The following PDLIM5 variants were observed in gnomAD, a reference collection of about 807,000 sequenced individuals.
PDLIM5 encodes the protein PDZ and LIM domain 5, also known as PDZ and LIM domain protein 5.
Under a neutral mutation model 64.2 loss-of-function variants are expected in PDLIM5, and 34 were observed. The observed-to-expected ratio is 0.53, with a 90% CI of 0.40 to 0.71. The LOEUF is 0.71. PDLIM5 is among the 30% of genes least tolerant of loss of function. The pLI is 0.00. For missense variants in PDLIM5, 683 were observed against 733.6 expected, an observed-to-expected ratio of 0.93 and a Z score of 0.80; for synonymous variants, 253 against 269.1, an observed-to-expected ratio of 0.94 and a Z score of 0.59.
rs111489062 is a variant in PDLIM5, at chr4:94,458,954, C to T, written c.96+3570C>T. On this transcript the variant is annotated intron_variant, in intron 2 of 12. Coordinates refer to ENST00000317968, the MANE Select transcript of PDLIM5 (RefSeq NM_006457.5). The stretch of plus-strand genomic sequence containing the variant: ...GGATGATCACATGTCATTTAATTTC[C>T]GATCCTTAAAATGGAGTGCGGGCTA... Among the ~76,000 whole-genome samples the T allele has an allele frequency of 1.1e-4, 17 of 152,228 alleles. 1 individual carries two copies. Among genetic ancestry groups the T allele is most frequent in the African/African-American group, 3.1e-4 (13 of 41,530 alleles).
intron 2 of PDLIM5, among the ~76,000 whole-genome samples, chr4:94,510,012 G>A (rs1042011789): frequency 2.0e-5 from 3 of 152,106 alleles, no homozygotes; most frequent in Non-Finnish European, 4.4e-5. Context: ...TAGTTTAATA[G>A]TTCATTCTTA....
At chr4:94,483,108 TTTTAAA>T (rs1411007897) in intron 2 of PDLIM5, among the ~76,000 whole-genome samples, 2 of 152,172 alleles carry the variant, frequency 1.3e-5, no homozygotes, top group Non-Finnish European at 1.5e-5. Context: ...AACTTAGCCC[TTTTAAA>T]AAGTTGAGTT....
chr4:94,618,099 GGGT>G lies in PDLIM5; in HGVS notation c.1017_1019del (p.Val340del). On this transcript the variant is annotated inframe_deletion, in exon 8 of 13. Coordinates refer to ENST00000317968, the MANE Select transcript of PDLIM5 (RefSeq NM_006457.5). The stretch of plus-strand genomic sequence containing the variant: ...GACAGCCCAACCTCTGGCAGACCAG[GGGT>G]TACCAGCCTCACAGCTGCAGCTGCC... 6.2e-7 allele frequency: 1 copy of G among 1,611,690 alleles called. No individual in the cohort carries two copies. The highest frequency in any genetic ancestry group is 8.5e-7 in the Non-Finnish European group (1 of 1,178,600).
chr4:94,572,834 A>C (rs1734921779), intron 3 of PDLIM5, among the ~76,000 whole-genome samples: 1 of 152,216 alleles, frequency 6.6e-6, no homozygotes. Flanking sequence ...TAAGAATAGG[A>C]ATACAGAATA....
At chr4:94,495,470 C>T (rs1034208009) in intron 2 of PDLIM5, among the ~76,000 whole-genome samples, 6 of 151,816 alleles carry the variant, frequency 4.0e-5, no homozygotes, top group Non-Finnish European at 7.4e-5. Flanking sequence ...AACAACATCT[C>T]CTGTTAGGTA....
intron 3 of PDLIM5, among the ~76,000 whole-genome samples, chr4:94,570,144 A>G (rs1182046968): frequency 6.6e-6 from 1 of 152,128 alleles, no homozygotes; most frequent in Non-Finnish European, 1.5e-5. Flanking sequence ...TGCTTAGAGA[A>G]GTATTATAAT....
intron 3 of PDLIM5, among the ~76,000 whole-genome samples, chr4:94,547,941 A>G (rs991297868): frequency 6.6e-6 from 1 of 152,158 alleles, no homozygotes; most frequent in Non-Finnish European, 1.5e-5. Flanking sequence ...ACTCCTGGTA[A>G]GTACAGTCCT....
chr4:94,662,324 A>G (rs1578568055), intron 11 of PDLIM5, 98 bp from the exon 12 acceptor site: 6 of 569,500 alleles, frequency 1.1e-5, no homozygotes, highest in Admixed American at 5.1e-5. Context: ...TGTCTTCAGC[A>G]TCTCATCTAA....
chr4:94,590,541 C>A (rs950613971), intron 7 of PDLIM5, among the ~76,000 whole-genome samples: 15 of 152,068 alleles, frequency 9.9e-5, no homozygotes, highest in African/African-American at 3.6e-4. Flanking sequence ...AATTGTGTTA[C>A]CAAGATAATA....
At chr4:94,480,229 A>G (rs1044241886) in intron 2 of PDLIM5, among the ~76,000 whole-genome samples, 4 of 152,246 alleles carry the variant, frequency 2.6e-5, no homozygotes, top group African/African-American at 9.6e-5. Flanking sequence ...TTTTCTAAAA[A>G]GTAAGATATG....
chr4:94,564,568 A>G (rs1734127159), intron 3 of PDLIM5, among the ~76,000 whole-genome samples: 3 of 150,980 alleles, frequency 2.0e-5, no homozygotes, highest in Non-Finnish European at 4.4e-5. Context: ...ATTATGCTCC[A>G]TGGCACTTAC....
chr4:94,508,290 C>T (rs902980), intron 2 of PDLIM5, among the ~76,000 whole-genome samples: 51,665 of 151,984 alleles, frequency 0.34, 11,448 homozygotes, highest in African/African-American at 0.64. Context: ...TGATAAAAGC[C>T]AACTGTGTAG....
At position 94,618,014 on chromosome 4, in the gene PDLIM5, G is replaced by A; in HGVS notation, c.931G>A (p.Glu311Lys). ...TTATTTCCTTTACAGTAACTCTCAG[G>A]AGCCTTCTCCGCAGTTGGCTTCCTC... The part of the protein sequence containing the change: ...DNTKKANNSQ[E>K]PSPQLASSVA... Residue 311 changes from glutamate (E) to lysine (K), a missense_variant, in exon 8 of 13, where the codon GAG becomes AAG. Transcript: ENST00000317968. 6.4e-7 allele frequency: 1 copy of A among 1,563,368 alleles called. No individual in the cohort carries two copies.
rs1326390720 is a variant in PDLIM5 at position 94,664,034 on chromosome 4, G to A, written c.1758G>A (p.Leu586=). The change falls in exon 13 of 13, where the codon CTG becomes CTA. Residue 586 remains leucine (L), a synonymous_variant. Transcript: ENST00000317968. ...QTFFSKKDKP[L]CKKHAHSVNF The stretch of plus-strand genomic sequence containing the variant: ...TTTTCTCCAAGAAGGACAAGCCCCT[G>A]TGTAAGAAACATGCTCATTCTGTGA... 7 of 1,607,760 alleles carry A rather than the reference G, an allele frequency of 4.4e-6. No homozygotes were observed. Among genetic ancestry groups the A allele is most frequent in the Non-Finnish European group, 6.0e-6 (7 of 1,176,054 alleles).
At chr4:94,456,572 A>G (rs984194416) in intron 2 of PDLIM5, 12 of 710,052 alleles carry the variant, frequency 1.7e-5, no homozygotes, top group Non-Finnish European at 3.0e-5. Flanking sequence ...ATAAGGAGGT[A>G]TGTGTGTTTT....
chr4:94,631,277 C>A (rs1380037150), intron 8 of PDLIM5, among the ~76,000 whole-genome samples: 1 of 151,894 alleles, frequency 6.6e-6, no homozygotes, highest in Non-Finnish European at 1.5e-5. Context: ...AGCCTTTTAT[C>A]CTTAAGTTTT....
intron 3 of PDLIM5, among the ~76,000 whole-genome samples, chr4:94,532,464 GGTAACAATTAGTCA>G (rs1730968877): frequency 6.6e-6 from 1 of 152,090 alleles, no homozygotes; most frequent in Non-Finnish European, 1.5e-5. Flanking sequence ...GGGAGGAGGA[GGTAACAATTAGTCA>G]GCTGCTTAAT....
intron 2 of PDLIM5, among the ~76,000 whole-genome samples, chr4:94,518,649 C>A (rs1251825872): frequency 6.6e-6 from 1 of 152,110 alleles, no homozygotes. Flanking sequence ...TAATTATGTT[C>A]ATGTATATTA....
At chr4:94,621,567 A>T (rs1739244329) in intron 8 of PDLIM5, among the ~76,000 whole-genome samples, 1 of 152,260 alleles carries the variant, frequency 6.6e-6, no homozygotes, top group Non-Finnish European at 1.5e-5. Context: ...AGTGGAGGAC[A>T]GAAAGTTTAT....
Sources: gnomAD v4.1 joint callset for allele counts (sites outside exome capture counted in the v4.1 genomes callset) on GRCh38, gnomAD v4.1.1 for gene constraint, MANE v1.5 for transcripts, NCBI Gene and HGNC (gene_info 2026-07-23, HGNC 2026-07-21) for gene names.